Variants in SHANK2 observed in about 807,000 individuals in gnomAD.
SHANK2 encodes SH3 and multiple ankyrin repeat domains protein 2.
In SHANK2, 43 loss-of-function variants were observed where a neutral mutation model predicts 133.7. The ratio of observed to expected loss-of-function variants is 0.32; its 90% confidence interval spans 0.25 to 0.41. The LOEUF (loss-of-function observed/expected upper bound fraction) is 0.41. Among genes scored for constraint, SHANK2 ranks in the 10% least tolerant of loss-of-function variants. SHANK2 has a pLI of 1.00. For missense variants in SHANK2, 1,994 were observed against 2,235.8 expected (o/e 0.89, Z 2.18); for synonymous variants, 1,017 against 952.8 (o/e 1.07, Z -1.24).
At chr11:70,731,788 C>T (rs1370970227) in intron 14 of SHANK2, among the ~76,000 whole-genome samples, 1 of 152,184 alleles carries the variant, frequency 6.6e-6, no homozygotes, top group Non-Finnish European at 1.5e-5. Flanking sequence ...CCCTCAAAAC[C>T]AGATTCACAC....
chr11:70,517,084 T>C (rs1442447476), intron 17 of SHANK2, among the ~76,000 whole-genome samples: 1 of 152,010 alleles, frequency 6.6e-6, no homozygotes, highest in Admixed American at 6.6e-5. Context: ...AATATCTGAA[T>C]AGACAACTCA....
At chr11:71,092,339 G>A in intron 8 of SHANK2, 83 bp downstream of exon 8, 1 of 1,467,356 alleles carries the variant, frequency 6.8e-7, no homozygotes, top group Non-Finnish European at 9.3e-7. Context: ...TAACCTTTGG[G>A]CCACCCTGCT....
At chr11:70,660,522 T>C (rs1299591050) in intron 16 of SHANK2, among the ~76,000 whole-genome samples, 2 of 152,064 alleles carry the variant, frequency 1.3e-5, no homozygotes, top group African/African-American at 4.8e-5. Flanking sequence ...CACTGGCATG[T>C]GTGTGTGTGG....
chr11:70,620,311 G>C (rs1163411566), intron 17 of SHANK2, among the ~76,000 whole-genome samples: 2 of 152,210 alleles, frequency 1.3e-5, no homozygotes, highest in African/African-American at 4.8e-5. Flanking sequence ...TCATTACCTT[G>C]CCGGGGCCTC....
chr11:70,627,654 A>G (rs1591668882), intron 17 of SHANK2, among the ~76,000 whole-genome samples: 1 of 152,252 alleles, frequency 6.6e-6, no homozygotes, highest in East Asian at 1.9e-4. Flanking sequence ...ATATAATCAC[A>G]TATATCCTGG....
intron 2 of SHANK2, among the ~76,000 whole-genome samples, chr11:71,215,119 T>A (rs781786315): frequency 9.9e-5 from 15 of 152,206 alleles, no homozygotes; most frequent in Non-Finnish European, 1.5e-4. Flanking sequence ...CATGCCCCGA[T>A]GTGCGATGTC....
At chr11:70,902,396 G>A (rs1322199492) in intron 10 of SHANK2, among the ~76,000 whole-genome samples, 2 of 152,238 alleles carry the variant, frequency 1.3e-5, no homozygotes, top group Admixed American at 6.5e-5. Context: ...ATCCTCCCTC[G>A]CTGGCCTCTC....
rs138362872 is a variant in SHANK2 at position 70,606,447 on chromosome 11, G to C, written c.2061+53381C>G. Among the ~76,000 whole-genome samples the C allele has an allele frequency of 4.0e-5, 6 of 150,250 alleles. No individual in the cohort carries two copies. In the East Asian group the frequency reaches 9.8e-4, roughly 25 times the overall value. Reference sequence around the variant, plus strand: ...ATGCCATCATATGACCCGGGGGTGGGGGGGTGTCACGTGATTGTACCACTG... The same window carrying C: ...ATGCCATCATATGACCCGGGGGTGGCGGGGTGTCACGTGATTGTACCACTG... On this transcript the variant is annotated intron_variant, in intron 17 of 25. Coordinates refer to ENST00000601538, the MANE Select transcript of SHANK2 (RefSeq NM_012309.5).
intron 14 of SHANK2, among the ~76,000 whole-genome samples, chr11:70,766,176 T>C (rs1555041326): frequency 1.3e-5 from 2 of 152,262 alleles, no homozygotes; most frequent in African/African-American, 4.8e-5. Flanking sequence ...GCAGATACAA[T>C]GGCTGGAGTC....
intron 6 of SHANK2, among the ~76,000 whole-genome samples, chr11:71,095,607 T>A (rs189717981): frequency 4.7e-4 from 71 of 152,314 alleles, no homozygotes; most frequent in African/African-American, 1.5e-3. Flanking sequence ...TCGGATGCCT[T>A]TCACAAGGCG....
At chr11:70,637,563 C>G (rs956928364) in intron 17 of SHANK2, among the ~76,000 whole-genome samples, 6 of 152,154 alleles carry the variant, frequency 3.9e-5, no homozygotes, top group African/African-American at 1.2e-4. Flanking sequence ...CCCCCACCAA[C>G]CCATCGGGAA....
intron 17 of SHANK2, among the ~76,000 whole-genome samples, chr11:70,507,227 G>A (rs1197533206): frequency 6.6e-6 from 1 of 152,180 alleles, no homozygotes; most frequent in Admixed American, 6.5e-5. Context: ...CATTGGATTT[G>A]TGGCTCTTGC....
intron 14 of SHANK2, among the ~76,000 whole-genome samples, chr11:70,754,077 G>A (rs1555038094): frequency 1.3e-5 from 2 of 152,244 alleles, no homozygotes; most frequent in African/African-American, 4.8e-5. Flanking sequence ...CTCCCGAAGT[G>A]CTGGGATTAC....
At chr11:70,891,485 G>A (rs971366500) in intron 11 of SHANK2, among the ~76,000 whole-genome samples, 1 of 152,178 alleles carries the variant, frequency 6.6e-6, no homozygotes, top group African/African-American at 2.4e-5. Context: ...CTGGGTGACA[G>A]AGCAAGACTC....
chr11:70,894,052 G>A (rs1949894883), intron 11 of SHANK2, among the ~76,000 whole-genome samples: 1 of 152,214 alleles, frequency 6.6e-6, no homozygotes, highest in African/African-American at 2.4e-5. Flanking sequence ...TGTTCGTAAA[G>A]AGTTGTCTGC....
At chr11:70,931,875 G>GT (rs1565413010) in intron 10 of SHANK2, among the ~76,000 whole-genome samples, 1 of 152,178 alleles carries the variant, frequency 6.6e-6, no homozygotes, top group South Asian at 2.1e-4. Flanking sequence ...TCATACTAAT[G>GT]TTTTTTATAA....
chr11:71,131,464 A>C (rs1168650473), intron 3 of SHANK2, among the ~76,000 whole-genome samples: 2 of 152,200 alleles, frequency 1.3e-5, no homozygotes, highest in African/African-American at 2.4e-5. Context: ...CATTTTTCGC[A>C]CAGTGAAAGC....
intron 11 of SHANK2, among the ~76,000 whole-genome samples, chr11:70,821,878 G>A (rs1324242260): frequency 3.3e-5 from 5 of 152,178 alleles, no homozygotes; most frequent in Admixed American, 3.3e-4. Flanking sequence ...GAGGAAGCAG[G>A]GGCTGGGCAC....
intron 14 of SHANK2, among the ~76,000 whole-genome samples, chr11:70,710,819 G>T (rs1555025937): frequency 6.6e-6 from 1 of 152,228 alleles, no homozygotes; most frequent in African/African-American, 2.4e-5. Flanking sequence ...ACCCAGTCCA[G>T]CTGCCTGACT....
Sources: gnomAD v4.1 joint callset for allele counts (sites outside exome capture counted in the v4.1 genomes callset) on GRCh38, gnomAD v4.1.1 for gene constraint, MANE v1.5 for transcripts, NCBI Gene and HGNC (gene_info 2026-07-23, HGNC 2026-07-21) for gene names.